ATP2B3: variants seen among roughly 807,000 people sequenced by gnomAD.
ATP2B3 encodes the protein ATPase plasma membrane Ca2+ transporting 3.
Under a neutral mutation model 70.8 loss-of-function variants are expected in ATP2B3, and 12 were observed. That is an observed-to-expected ratio of 0.17 (90% confidence interval 0.11 to 0.27). The LOEUF (loss-of-function observed/expected upper bound fraction) is 0.27, where lower values mean the gene tolerates loss of function less well. Ranked by LOEUF, ATP2B3 falls within the 10% of genes least tolerant of loss-of-function variation. The pLI is 1.00. For synonymous variants in ATP2B3, 460 were observed against 497.8 expected (o/e 0.92, Z 1.01); for missense variants, 858 against 1,118.5 (o/e 0.77, Z 3.32).
chrX:153,548,053 C>G (rs2124440801), intron 9 of ATP2B3, 54 bp downstream of exon 9: 3 of 1,149,280 alleles, frequency 2.6e-6, no homozygotes, highest in South Asian at 4.2e-5. Context: ...GTGGAGGATG[C>G]TGGGCTCCTG....
intron 17 of ATP2B3, among the ~76,000 whole-genome samples, chrX:153,558,685 C>T (rs2090579151): frequency 8.9e-6 from 1 of 112,207 alleles, no homozygotes; most frequent in Non-Finnish European, 1.9e-5. Flanking sequence ...AATATGTGGC[C>T]TCTTGTGTCT....
chrX:153,573,321 C>T (rs1198096020), intron 21 of ATP2B3, among the ~76,000 whole-genome samples: 3 of 112,632 alleles, frequency 2.7e-5, no homozygotes, highest in Admixed American at 9.3e-5. Flanking sequence ...GCGACATGCT[C>T]ACCACACTCC....
At chrX:153,546,847 G>A (rs1438586384) in intron 8 of ATP2B3, among the ~76,000 whole-genome samples, 6 of 113,055 alleles carry the variant, frequency 5.3e-5, no homozygotes, top group Non-Finnish European at 9.4e-5. Flanking sequence ...GAGGGCAGTG[G>A]GGGGACAGCC....
intron 10 of ATP2B3, among the ~76,000 whole-genome samples, 192 bp from the exon 11 acceptor site, chrX:153,549,305 A>G (rs61185013): frequency 0.089 from 9,754 of 110,000 alleles, 747 homozygotes; most frequent in African/African-American, 0.25. Context: ...TCCCGCCCCC[A>G]CCATTGGATG....
Position 153,558,718 on chromosome X carries a change from T to C in ATP2B3, c.2625+415T>C, listed in dbSNP as rs138709877. On this transcript the variant is annotated intron_variant, in intron 17 of 21. Coordinates refer to ENST00000263519, the MANE Select transcript of ATP2B3 (RefSeq NM_001001344.3). Reference sequence around the variant, plus strand: ...TCTGGCATCTCGCTTAGCACCGTGTTTTCAGGCTCACACACACCGTAGCAT... The same window carrying C: ...TCTGGCATCTCGCTTAGCACCGTGTCTTCAGGCTCACACACACCGTAGCAT... 7.2e-4 allele frequency among the ~76,000 whole-genome samples: 81 copies of C among 112,277 alleles called. No individual in the cohort carries two copies. The East Asian group carries it at 0.02, about 28-fold the overall frequency.
In ATP2B3 at chrX:153,580,125, G is replaced by A. The variant is rs1005616822; in HGVS notation, c.3490G>A (p.Val1164Met). Residue 1164 changes from valine (V) to methionine (M), a missense_variant, in exon 22 of 22, where the codon GTG becomes ATG. By Grantham distance (21) the Val-to-Met change is conservative. This residue lies in a region of ATP2B3 where 265 missense variants were observed against 305.3 expected (regional missense o/e 0.87). Transcript: ENST00000263519. ...CATCCCGCTCATTGACGACACGGAC[G>A]TGGACGAGAACGAGGAGCGCCTCCG... ...HNIPLIDDTD[V>M]DENEERLRAP... is the part of the protein sequence containing the mutation. 11 of 1,212,192 alleles carry A rather than the reference G, an allele frequency of 9.1e-6. No individual in the cohort carries two copies. Among genetic ancestry groups the A allele is most frequent in the South Asian group, 5.3e-5 (3 of 57,032 alleles).
At chrX:153,566,164 C>T (rs1332929495) in intron 21 of ATP2B3, among the ~76,000 whole-genome samples, 2 of 112,721 alleles carry the variant, frequency 1.8e-5, no homozygotes, top group Non-Finnish European at 3.8e-5. Context: ...CTTCACACTC[C>T]ACCTCCTTCT....
At position 153,558,271 on chromosome X, in the gene ATP2B3, A is replaced by G. The variant is rs781935902; in HGVS notation, c.2593A>G (p.Ile865Val). ...FQLTVNVVAV[I>V]VAFTGACITQ... is the part of the protein sequence containing the mutation. ...ACTGACGGTCAATGTGGTGGCTGTG[A>G]TCGTGGCCTTCACAGGTGCCTGCAT... Residue 865 changes from isoleucine to valine, a missense_variant, in exon 17 of 22, where the codon ATC becomes GTC. This residue lies in a region of ATP2B3 where 50 missense variants were observed against 106.7 expected (regional missense o/e 0.47). Transcript: ENST00000263519. 5.0e-5 allele frequency: 60 copies of G among 1,210,158 alleles called. No individual in the cohort carries two copies. The highest frequency in any genetic ancestry group is 6.5e-5 in the Admixed American group (3 of 45,878).
At chrX:153,565,126 C>T (rs1557017780) in intron 21 of ATP2B3, 23 bp downstream of exon 21, 1 of 1,156,753 alleles carries the variant, frequency 8.6e-7, no homozygotes, top group South Asian at 2.0e-5. Flanking sequence ...TCGCTCTCGC[C>T]CTGGCACTTC....
chrX:153,580,593 G>A lies in ATP2B3; in HGVS notation c.*295G>A. 1 of 296,859 alleles carries A rather than the reference G, an allele frequency of 3.4e-6. No homozygotes were observed. Among genetic ancestry groups the A allele is most frequent in the Non-Finnish European group, 6.0e-6 (1 of 168,030 alleles). 24.5% of individuals were successfully genotyped at this position (296,859 alleles called of 1,213,427 possible). A position where few individuals can be genotyped will look rare whatever the true frequency, so the allele number is the denominator to read the frequency against. The stretch of plus-strand genomic sequence containing the variant: ...GAAGGTTCTTCGTCCAAAGGAGGAA[G>A]GAGAAGAAGTAGAAAGTGCGAAGAG... On this transcript the variant is annotated 3_prime_UTR_variant, in exon 22 of 22. Transcript: ENST00000263519.
chrX:153,575,387 G>A (rs1290752866), intron 21 of ATP2B3, among the ~76,000 whole-genome samples: 1 of 112,700 alleles, frequency 8.9e-6, no homozygotes, highest in African/African-American at 3.2e-5. Flanking sequence ...TGCTGGGGAA[G>A]ACAAGAGTGA....
At chrX:153,560,926 C>G (rs1002675147) in intron 19 of ATP2B3, 39 bp downstream of exon 19, 36 of 1,197,009 alleles carry the variant, frequency 3.0e-5, no homozygotes, top group Admixed American at 4.4e-5. Flanking sequence ...CTGCCACTTG[C>G]AAAAAGTGGA....
intron 20 of ATP2B3, among the ~76,000 whole-genome samples, chrX:153,564,464 C>G (rs782156997): frequency 4.4e-5 from 5 of 112,934 alleles, no homozygotes; most frequent in African/African-American, 1.6e-4. Context: ...CCATGCTGCT[C>G]TCAAGCAGGA....
At chrX:153,546,675 G>A (rs1225182279) in intron 8 of ATP2B3, among the ~76,000 whole-genome samples, 18 of 113,454 alleles carry the variant, frequency 1.6e-4, no homozygotes, top group African/African-American at 3.2e-4. Context: ...TGGGAGGAGC[G>A]GGGAGGAGGC....
At chrX:153,548,999 G>C in intron 10 of ATP2B3, 145 bp downstream of exon 10, 7 of 577,337 alleles carry the variant, frequency 1.2e-5, no homozygotes, top group Non-Finnish European at 1.9e-5. Context: ...GACCCAGGGG[G>C]CAGCTTTGCT....
Position 153,565,197 on chromosome X carries a change from G to A in ATP2B3, c.3342+94G>A, listed in dbSNP as rs141561790. Reference sequence around the variant, plus strand: ...AGCCGAGAGCCGGCCGTCTGCACCCGACACCCACAGGGAAACCCTTTGGTC... The same window carrying A: ...AGCCGAGAGCCGGCCGTCTGCACCCAACACCCACAGGGAAACCCTTTGGTC... On this transcript the variant is annotated intron_variant, in intron 21 of 21. Transcript: ENST00000263519. 2,203 of 1,014,152 alleles carry A rather than the reference G, an allele frequency of 2.2e-3. 21 individuals carry two copies. The African/African-American group carries it at 0.031, about 14-fold the overall frequency. 83.6% of individuals were successfully genotyped at this position (1,014,152 alleles called of 1,213,427 possible). A position where few individuals can be genotyped will look rare whatever the true frequency, so the allele number is the denominator to read the frequency against.
rs782143371 is a variant in ATP2B3 at position 153,560,827 on chromosome X, C to A, written c.2991C>A (p.Phe997Leu). 3.3e-6 allele frequency: 4 copies of A among 1,210,397 alleles called. No individual in the cohort carries two copies. The highest frequency in any genetic ancestry group is 3.5e-5 in the African/African-American group (2 of 57,274). The change falls in exon 19 of 22, where the codon TTC becomes TTA. Residue 997 changes from phenylalanine (F) to leucine (L), a missense_variant. Coordinates refer to ENST00000263519, the MANE Select transcript of ATP2B3 (RefSeq NM_001001344.3). ...ARKIHGERNV[F>L]DGIFSNPIFC... ...AGATCCACGGCGAGAGGAACGTGTT[C>A]GACGGCATCTTCAGCAACCCCATCT...
intron 8 of ATP2B3, among the ~76,000 whole-genome samples, 182 bp from the exon 9 acceptor site, chrX:153,547,653 C>T (rs1208873915): frequency 1.8e-5 from 2 of 111,269 alleles, no homozygotes; most frequent in Admixed American, 9.5e-5. Flanking sequence ...CCCCACCCAC[C>T]CCAAGAGGGC....
At chrX:153,570,137 G>A (rs1557019486) in intron 21 of ATP2B3, among the ~76,000 whole-genome samples, 1 of 112,724 alleles carries the variant, frequency 8.9e-6, no homozygotes, top group African/African-American at 3.2e-5. Flanking sequence ...GTGTTCAGTG[G>A]TGCAGCATCA....
Sources: gnomAD v4.1 joint callset for allele counts (sites outside exome capture counted in the v4.1 genomes callset) on GRCh38, gnomAD v4.1.1 for gene constraint, gnomAD v4.1.1 regional missense constraint, MANE v1.5 for transcripts, NCBI Gene and HGNC (gene_info 2026-07-23, HGNC 2026-07-21) for gene names.